Variants in PHACTR2 observed in about 807,000 individuals in gnomAD.
PHACTR2 encodes the protein phosphatase and actin regulator 2.
PHACTR2 carries 30 observed loss-of-function variants against 76.0 expected under a neutral mutation model. The ratio of observed to expected loss-of-function variants is 0.39; its 90% CI spans 0.30 to 0.54. PHACTR2 has a LOEUF of 0.54. Ranked by LOEUF, PHACTR2 falls within the 20% of genes least tolerant of loss-of-function variation. PHACTR2 has a pLI of 0.61. For missense variants in PHACTR2, 696 were observed against 781.1 expected (o/e 0.89, Z 1.30); for synonymous variants, 292 against 292.5 (o/e 1.00, Z 0.02).
intron 1 of PHACTR2, among the ~76,000 whole-genome samples, chr6:143,613,045 C>G (rs771144723): frequency 3.3e-5 from 5 of 152,204 alleles, no homozygotes; most frequent in Non-Finnish European, 7.3e-5. Flanking sequence ...GGCGCAATCT[C>G]GGCTCACTGC....
In PHACTR2 at chr6:143,539,355, G is replaced by A. The variant is rs191154289; in HGVS notation, c.217+2148G>A. Among the ~76,000 whole-genome samples, 49 of 152,178 alleles carry A rather than the reference G, an allele frequency of 3.2e-4. No individual in the cohort carries two copies. Among genetic ancestry groups the A allele is most frequent in the South Asian group, 2.1e-4 (1 of 4,820 alleles). On this transcript the variant is annotated intron_variant, in intron 1 of 11. Coordinates refer to the PHACTR2 transcript ENST00000367584. This position sits in a 1 kb window ranked among gnomAD's most constrained non-coding sequence, Gnocchi z 4.3. ...GATTTCATTTTCAGAACTGAGCCTC[G>A]GATCCCTTTAAGAGCAGACTAAATG...
At position 143,610,458 on chromosome 6, in the gene PHACTR2, G is replaced by A. The variant is rs1050292601; in HGVS notation, c.13+2136G>A. Reference sequence around the variant, plus strand: ...AGCGGGGCACTCGTACTGACAACTGGATCATTAGTTTCAAGGAGCCAGACC... The same window carrying A: ...AGCGGGGCACTCGTACTGACAACTGAATCATTAGTTTCAAGGAGCCAGACC... On this transcript the variant is annotated intron_variant, in intron 1 of 11. Transcript: ENST00000305766. This position sits in a 1 kb window ranked among gnomAD's most constrained non-coding sequence, Gnocchi z 4.9. Among the ~76,000 whole-genome samples the A allele has an allele frequency of 6.6e-6, 1 of 152,192 alleles. No homozygotes were observed. The highest frequency in any genetic ancestry group is 1.5e-5 in the Non-Finnish European group (1 of 68,038).
At position 143,755,304 on chromosome 6, in the gene PHACTR2, G is replaced by A. The variant is rs1405752015; in HGVS notation, c.454+1392G>A. 1 of 456,042 alleles carries A rather than the reference G, an allele frequency of 2.2e-6. No individual in the cohort carries two copies. The highest frequency in any genetic ancestry group is 4.4e-6 in the Non-Finnish European group (1 of 226,790). 28.2% of individuals were successfully genotyped at this position (456,042 alleles called of 1,614,324 possible). On this transcript the variant is annotated intron_variant, in intron 4 of 12. Coordinates refer to ENST00000440869, the MANE Select transcript of PHACTR2 (RefSeq NM_001100164.2). The surrounding 1 kb of genome is among the most constrained non-coding windows in gnomAD (Gnocchi z 5.2). ...TAAGTCTTTCTGTCCTGTCTCGCCA[G>A]ACTGTTGAATTTCAAATCCATCTGT...
Position 143,807,147 on chromosome 6 carries a change from T to C in PHACTR2, c.1922+14T>C. 2.0e-6 allele frequency: 3 copies of C among 1,527,676 alleles called. No homozygotes were observed. Among genetic ancestry groups the C allele is most frequent in the Non-Finnish European group, 2.7e-6 (3 of 1,108,968 alleles). The allele number at this position is 1,527,676 out of a possible 1,614,324, so 94.6% of individuals were successfully genotyped here. A position where few individuals can be genotyped will look rare whatever the true frequency, so the allele number is the denominator to read the frequency against. On this transcript the variant is annotated intron_variant, in intron 12 of 12. Transcript: ENST00000440869. This position sits in a 1 kb window ranked among gnomAD's most constrained non-coding sequence, Gnocchi z 5.5. ...ACAGTTTACAAGGTAGGTGACAAAA[T>C]GCAGCTTAGAAATTGAAAATGCTTA...
At chr6:143,681,286 A>G (rs1471465341) in intron 1 of PHACTR2, among the ~76,000 whole-genome samples, 5 of 152,136 alleles carry the variant, frequency 3.3e-5, no homozygotes, top group Non-Finnish European at 7.4e-5. Flanking sequence ...CTTTTTGATT[A>G]TAGCCATCTT....
At chr6:143,667,827 CAG>C (rs1777068306) in intron 1 of PHACTR2, among the ~76,000 whole-genome samples, 1 of 152,208 alleles carries the variant, frequency 6.6e-6, no homozygotes, top group African/African-American at 2.4e-5. Flanking sequence ...CATCTACAAA[CAG>C]AGACAATTTG....
In PHACTR2 at chr6:143,786,727, A is replaced by G. The variant is rs911416524; in HGVS notation, c.1708-2046A>G. Reference sequence around the variant, plus strand: ...AGCAAGATAAAATGAGGAGAAAGCAAAAGCAGAAACCCTTGATAAACCCAT... The same window carrying G: ...AGCAAGATAAAATGAGGAGAAAGCAGAAGCAGAAACCCTTGATAAACCCAT... On this transcript the variant is annotated intron_variant, in intron 10 of 12. Coordinates refer to ENST00000440869, the MANE Select transcript of PHACTR2 (RefSeq NM_001100164.2). Among the ~76,000 whole-genome samples, 3 of 152,300 alleles carry G rather than the reference A, an allele frequency of 2.0e-5. No individual in the cohort carries two copies. The East Asian group carries it at 5.8e-4, about 29-fold the overall frequency.
rs984216150 is a variant in PHACTR2, at chr6:143,598,842, T to C, written c.217+61635T>C. On this transcript the variant is annotated intron_variant, in intron 1 of 11. Transcript: ENST00000367584. This position sits in a 1 kb window ranked among gnomAD's most constrained non-coding sequence, Gnocchi z 4.1. ...ATGTCTCAAAGACTAGCTAAGTGTT[T>C]GCTGTGGTCCTAACAAGTCCACCTA... Among the ~76,000 whole-genome samples the C allele has an allele frequency of 1.3e-5, 2 of 152,254 alleles. No homozygotes were observed. The highest frequency in any genetic ancestry group is 1.5e-5 in the Non-Finnish European group (1 of 68,048).
chr6:143,558,906 T>C lies in PHACTR2; in HGVS notation c.217+21699T>C, dbSNP rs1001258193. 6.6e-6 allele frequency among the ~76,000 whole-genome samples: 1 copy of C among 152,186 alleles called. No homozygotes were observed. The highest frequency in any genetic ancestry group is 2.4e-5 in the African/African-American group (1 of 41,442). Reference sequence around the variant, plus strand: ...GATGATTGACCAGCTGAAATGCATGTGTATGGCTTAGGCCTCTCCCATCCC... The same window carrying C: ...GATGATTGACCAGCTGAAATGCATGCGTATGGCTTAGGCCTCTCCCATCCC... On this transcript the variant is annotated intron_variant, in intron 1 of 11. Transcript: ENST00000367584. The surrounding 1 kb of genome is among the most constrained non-coding windows in gnomAD (Gnocchi z 4.7).
Position 143,656,826 on chromosome 6 carries a change from C to T in PHACTR2, c.13+48504C>T, listed in dbSNP as rs1776856057. On this transcript the variant is annotated intron_variant, in intron 1 of 11. Coordinates refer to the PHACTR2 transcript ENST00000305766. The surrounding 1 kb of genome is among the most constrained non-coding windows in gnomAD (Gnocchi z 5.3). ...ATGAACACAATAGACATGTTAATTC[C>T]CAAACTTAGTTTCAAAAAAACTATC... is the stretch of plus-strand genomic sequence containing the variant. Among the ~76,000 whole-genome samples the T allele has an allele frequency of 2.0e-5, 3 of 152,112 alleles. No homozygotes were observed.
At position 143,580,391 on chromosome 6, in the gene PHACTR2, A is replaced by G. The variant is rs1443375302; in HGVS notation, c.217+43184A>G. Among the ~76,000 whole-genome samples, 1 of 152,260 alleles carries G rather than the reference A, an allele frequency of 6.6e-6. No individual in the cohort carries two copies. The highest frequency in any genetic ancestry group is 2.4e-5 in the African/African-American group (1 of 41,468). ...TCCCAGCTACTCTGGAGGCTGAGGC[A>G]GGAGAATGGCGTGAACCCAGGAGGC... On this transcript the variant is annotated intron_variant, in intron 1 of 11. Coordinates refer to the PHACTR2 transcript ENST00000367584. The surrounding 1 kb of genome is among the most constrained non-coding windows in gnomAD (Gnocchi z 4.2).
chr6:143,551,197 A>T (rs1775090240), intron 1 of PHACTR2, among the ~76,000 whole-genome samples: 1 of 151,432 alleles, frequency 6.6e-6, no homozygotes, highest in East Asian at 1.9e-4. Context: ...TGGGGGATTC[A>T]TTCCAAGACA....
upstream of PHACTR2, among the ~76,000 whole-genome samples, chr6:143,603,701 C>T (rs901014070): frequency 6.6e-6 from 1 of 152,130 alleles, no homozygotes; most frequent in African/African-American, 2.4e-5. Flanking sequence ...GTTAATAGTT[C>T]AGGGATTTGG....
chr6:143,683,332 T>C lies in PHACTR2; in HGVS notation c.46+5123T>C, dbSNP rs1294961783. Among the ~76,000 whole-genome samples, 1 of 152,246 alleles carries C rather than the reference T, an allele frequency of 6.6e-6. No individual in the cohort carries two copies. The highest frequency in any genetic ancestry group is 2.4e-5 in the African/African-American group (1 of 41,466). Reference sequence around the variant, plus strand: ...TGCTTTAAACCAATGATTATATGAATGAGAGGTATGTATTTTTTATATTCT... The same window carrying C: ...TGCTTTAAACCAATGATTATATGAACGAGAGGTATGTATTTTTTATATTCT... On this transcript the variant is annotated intron_variant, in intron 1 of 12. Transcript: ENST00000440869. The surrounding 1 kb of genome is among the most constrained non-coding windows in gnomAD (Gnocchi z 4.1).
intron 1 of PHACTR2, among the ~76,000 whole-genome samples, chr6:143,588,102 A>G (rs1775649258): frequency 6.6e-6 from 1 of 152,098 alleles, no homozygotes; most frequent in African/African-American, 2.4e-5. Context: ...GCAGTGAAAG[A>G]TCTTCTAAAG....
rs1331889713 is a variant in PHACTR2, at chr6:143,826,197, G to A, written c.*2508G>A. 1 of 152,198 alleles carries A rather than the reference G, an allele frequency of 6.6e-6. No individual in the cohort carries two copies. The highest frequency in any genetic ancestry group is 1.5e-5 in the Non-Finnish European group (1 of 68,046). The allele number at this position is 152,198 out of a possible 1,614,324, so 9.4% of individuals were successfully genotyped here. ...AGCTAAGCTGTATTTTGCAGAATAT[G>A]GTTCTATTTTAGTAGAGCAGAGATG... On this transcript the variant is annotated 3_prime_UTR_variant, in exon 13 of 13. Transcript: ENST00000440869.
rs1219985633 is a variant in PHACTR2 at position 143,764,647 on chromosome 6, C to T, written c.695-614C>T. The stretch of plus-strand genomic sequence containing the variant: ...GTGGCCATGGGTTTTCCCTTTACCC[C>T]ATCTCTACTGCAGATGGAAGTAGAG... On this transcript the variant is annotated intron_variant, in intron 5 of 12. Transcript: ENST00000440869. This position sits in a 1 kb window ranked among gnomAD's most constrained non-coding sequence, Gnocchi z 4.7. 6.6e-6 allele frequency among the ~76,000 whole-genome samples: 1 copy of T among 152,084 alleles called. No homozygotes were observed. Among genetic ancestry groups the T allele is most frequent in the African/African-American group, 2.4e-5 (1 of 41,400 alleles).
rs1356816434 is a variant in PHACTR2 at position 143,760,079 on chromosome 6, TC to T, written c.455-321del. The stretch of plus-strand genomic sequence containing the variant: ...AATGTAGCACTTCATGCCCACATCA[TC>T]ATCCAGCAACCCCAGATCCAAGGCT... On this transcript the variant is annotated intron_variant, in intron 4 of 12. Coordinates refer to ENST00000440869, the MANE Select transcript of PHACTR2 (RefSeq NM_001100164.2). The surrounding 1 kb of genome is among the most constrained non-coding windows in gnomAD (Gnocchi z 6.4). Among the ~76,000 whole-genome samples the T allele has an allele frequency of 6.6e-6, 1 of 152,202 alleles. No individual in the cohort carries two copies. Among genetic ancestry groups the T allele is most frequent in the African/African-American group, 2.4e-5 (1 of 41,448 alleles).
rs1582690699 is a variant in PHACTR2 at position 143,598,836 on chromosome 6, A to C, written c.217+61629A>C. On this transcript the variant is annotated intron_variant, in intron 1 of 11. Transcript: ENST00000367584. The surrounding 1 kb of genome is among the most constrained non-coding windows in gnomAD (Gnocchi z 4.1). ...GACCTCATGTCTCAAAGACTAGCTA[A>C]GTGTTTGCTGTGGTCCTAACAAGTC... Among the ~76,000 whole-genome samples, 1 of 152,186 alleles carries C rather than the reference A, an allele frequency of 6.6e-6. No individual in the cohort carries two copies. The highest frequency in any genetic ancestry group is 1.5e-5 in the Non-Finnish European group (1 of 68,040).
Sources: gnomAD v4.1 joint callset for allele counts (sites outside exome capture counted in the v4.1 genomes callset) on GRCh38, gnomAD v4.1.1 for gene constraint, Gnocchi (gnomAD v3.1) non-coding constraint, MANE v1.5 for transcripts, NCBI Gene and HGNC (gene_info 2026-07-23, HGNC 2026-07-21) for gene names.